Variants in KDM5A observed in about 807,000 individuals in gnomAD.
The protein encoded by KDM5A is lysine demethylase 5A, also known as lysine-specific demethylase 5A.
Under a neutral mutation model 193.5 loss-of-function variants are expected in KDM5A, and 42 were observed. The ratio of observed to expected loss-of-function variants is 0.22; its 90% CI spans 0.17 to 0.28. The LOEUF (loss-of-function observed/expected upper bound fraction) is 0.28, where lower values mean the gene tolerates loss of function less well. KDM5A is among the 10% of genes least tolerant of loss of function. KDM5A has a pLI of 1.00. For synonymous variants in KDM5A, 796 were observed against 718.1 expected (o/e 1.11, Z -1.73); for missense variants, 1,692 against 2,055.1 (o/e 0.82, Z 3.42).
At position 389,016 on chromosome 12, in the gene KDM5A, A is replaced by C. The variant is rs1417119622; in HGVS notation, c.76T>G (p.Trp26Gly). The C allele has an allele frequency of 6.3e-7, 1 of 1,586,184 alleles. No individual in the cohort carries two copies. Among genetic ancestry groups the C allele is most frequent in the Non-Finnish European group, 8.6e-7 (1 of 1,163,812 alleles). The change falls in exon 1 of 28, where the codon TGG becomes GGG. Residue 26 changes from tryptophan to glycine, a missense_variant. Coordinates refer to ENST00000399788, the MANE Select transcript of KDM5A (RefSeq NM_001042603.3). Reference protein sequence around the residue: ...PPECPVFEPSWEEFTDPLSFI... With the variant: ...PPECPVFEPSGEEFTDPLSFI... ...CTGAGCGGATCTGTGAACTCCTCCC[A>C]ACTCGGCTCAAAGACGGGGCACTCT... is the stretch of plus-strand genomic sequence containing the variant.
intron 6 of KDM5A, among the ~76,000 whole-genome samples, chr12:355,608 C>A (rs1350143865): frequency 3.9e-5 from 6 of 152,004 alleles, no homozygotes; most frequent in African/African-American, 1.4e-4. Context: ...ACAGCCAATA[C>A]TATAATTACA....
At chr12:378,464 C>G (rs1944535767) in intron 3 of KDM5A, among the ~76,000 whole-genome samples, 1 of 152,104 alleles carries the variant, frequency 6.6e-6, no homozygotes, top group South Asian at 2.1e-4. Context: ...CTCCCTATGT[C>G]TAGACCAGGA....
At chr12:365,820 C>T in intron 4 of KDM5A, 114 bp downstream of exon 4, 1 of 867,468 alleles carries the variant, frequency 1.2e-6, no homozygotes, top group Non-Finnish European at 2.0e-6. Context: ...CTATGATATA[C>T]ACTTTGCTTC....
intron 1 of KDM5A, among the ~76,000 whole-genome samples, chr12:387,916 A>G (rs545396630): frequency 6.1e-4 from 93 of 152,348 alleles, no homozygotes; most frequent in African/African-American, 2.1e-3. Flanking sequence ...ATATTTTATC[A>G]TTACTAATAC....
chr12:350,942 CA>C (rs1258866509), intron 9 of KDM5A, among the ~76,000 whole-genome samples, 163 bp from the exon 10 acceptor site: 1 of 152,088 alleles, frequency 6.6e-6, no homozygotes, highest in Non-Finnish European at 1.5e-5. Flanking sequence ...CCAATGAGAA[CA>C]GGGAAAAGCT....
chr12:388,955 G>C lies in KDM5A; in HGVS notation c.137C>G (p.Thr46Ser), dbSNP rs1473391119. Reference protein sequence around the residue: ...IGRIRPLAEKTGICKIRPPKD... With the variant: ...IGRIRPLAEKSGICKIRPPKD... ...GGGCGGCCGAATTTTGCAGATGCCG[G>C]TTTTCTCCGCCAAAGGCCGGATGCG... Residue 46 changes from threonine to serine, a missense_variant, in exon 1 of 28, where the codon ACC becomes AGC. This residue lies in a region of KDM5A where 84 missense variants were observed against 68.2 expected (regional missense o/e 1.23). Coordinates refer to ENST00000399788, the MANE Select transcript of KDM5A (RefSeq NM_001042603.3). The C allele has an allele frequency of 9.3e-6, 15 of 1,614,100 alleles. No individual in the cohort carries two copies. Among genetic ancestry groups the C allele is most frequent in the Non-Finnish European group, 1.1e-5 (13 of 1,180,052 alleles).
chr12:323,513 G>A (rs1003247940), intron 15 of KDM5A, 87 bp downstream of exon 15: 6 of 1,300,986 alleles, frequency 4.6e-6, no homozygotes, highest in Non-Finnish European at 5.6e-6. Flanking sequence ...CAGAGTAAAG[G>A]AGTAAAGTAA....
At chr12:355,054 C>T in intron 7 of KDM5A, 104 bp downstream of exon 7, 2 of 776,572 alleles carry the variant, frequency 2.6e-6, no homozygotes, top group Non-Finnish European at 4.7e-6. Context: ...AGTCTTCTAA[C>T]CAAACGAGCT....
chr12:289,657 G>C (rs1486749244), intron 27 of KDM5A, among the ~76,000 whole-genome samples: 2 of 147,106 alleles, frequency 1.4e-5, no homozygotes, highest in Non-Finnish European at 3.0e-5. Context: ...CAAGGCTGCA[G>C]TGAGCTATGA....
At chr12:313,029 G>T (rs1412730497) in intron 20 of KDM5A, 27 bp downstream of exon 20, 1 of 1,611,414 alleles carries the variant, frequency 6.2e-7, no homozygotes, top group Non-Finnish European at 8.5e-7. Flanking sequence ...TTACCTGATA[G>T]GTGGGATAAT....
intron 19 of KDM5A, among the ~76,000 whole-genome samples, chr12:314,157 G>A (rs1943622348): frequency 6.6e-6 from 1 of 152,066 alleles, no homozygotes; most frequent in East Asian, 1.9e-4. Flanking sequence ...TCTAGGTCCT[G>A]GAAATTGCTC....
chr12:381,953 T>TCCAC lies in KDM5A; in HGVS notation c.366+2074_366+2077dup, dbSNP rs539656223. Among the ~76,000 whole-genome samples, 89 of 152,046 alleles carry TCCAC rather than the reference T, an allele frequency of 5.9e-4. 1 individual carries two copies. The South Asian group carries it at 0.013, about 22-fold the overall frequency. ...TCTTGATTAGCTGGGACTCCAGGAGTCCACCACCATGCCAGGATTATTTAT... is the reference window on the plus strand; with the variant it reads ...TCTTGATTAGCTGGGACTCCAGGAGTCCACCCACCACCATGCCAGGATTATTTAT... On this transcript the variant is annotated intron_variant, in intron 3 of 27. Transcript: ENST00000399788.
At chr12:327,162 T>C (rs539940907) in intron 14 of KDM5A, among the ~76,000 whole-genome samples, 32 of 152,232 alleles carry the variant, frequency 2.1e-4, no homozygotes, top group African/African-American at 3.9e-4. Context: ...GAAGGGTCTA[T>C]AGAGAAATTT....
intron 1 of KDM5A, 112 bp downstream of exon 1, chr12:388,815 T>C (rs907204434): frequency 7.7e-5 from 102 of 1,328,390 alleles, no homozygotes; most frequent in Non-Finnish European, 1.0e-4. Flanking sequence ...TCCAGTTGTC[T>C]CAAAAGAGAG....
chr12:386,615 G>A (rs1484718887), intron 1 of KDM5A, among the ~76,000 whole-genome samples: 1 of 152,222 alleles, frequency 6.6e-6, no homozygotes, highest in Non-Finnish European at 1.5e-5. Context: ...GGGAGACTGA[G>A]GCAGGAGGAT....
In KDM5A at chr12:362,999, G is replaced by A; in HGVS notation, c.636C>T (p.Asn212=). Reference sequence around the variant, plus strand: ...CACGTCTTGTTCTCTTCGGCAGAATGTTCATCCTTGTGCCTGGCTCTGGGG... The same window carrying A: ...CACGTCTTGTTCTCTTCGGCAGAATATTCATCCTTGTGCCTGGCTCTGGGG... The part of the protein sequence containing the change: ...QTSPEPGTRM[N]ILPKRTRRVK... The change falls in exon 5 of 28, where the codon AAC becomes AAT. Residue 212 remains asparagine (N), a synonymous_variant. Transcript: ENST00000399788. The A allele has an allele frequency of 6.2e-7, 1 of 1,614,190 alleles. No individual in the cohort carries two copies. The highest frequency in any genetic ancestry group is 8.5e-7 in the Non-Finnish European group (1 of 1,180,028).
chr12:280,672 G>A lies in KDM5A; in HGVS notation c.*4784C>T, dbSNP rs899607933. On this transcript the variant is annotated 3_prime_UTR_variant, in exon 28 of 28. Transcript: ENST00000399788. Reference sequence around the variant, plus strand: ...GGTCTGAATTGGTTGTGAGCTTTAAGAAGCCAAAGAGAAAGGGAAAGCATT... The same window carrying A: ...GGTCTGAATTGGTTGTGAGCTTTAAAAAGCCAAAGAGAAAGGGAAAGCATT... The A allele has an allele frequency of 4.3e-6, 1 of 233,004 alleles. No homozygotes were observed. Among genetic ancestry groups the A allele is most frequent in the African/African-American group, 2.2e-5 (1 of 45,328 alleles). 14.4% of individuals were successfully genotyped at this position (233,004 alleles called of 1,614,324 possible).
intron 10 of KDM5A, among the ~76,000 whole-genome samples, chr12:342,715 G>A (rs1437397460): frequency 6.6e-6 from 1 of 151,032 alleles, no homozygotes; most frequent in Non-Finnish European, 1.5e-5. Flanking sequence ...ACCTGCCTCG[G>A]CCTCCCAAAG....
At chr12:304,519 G>A (rs1943482299) in intron 24 of KDM5A, among the ~76,000 whole-genome samples, 1 of 149,540 alleles carries the variant, frequency 6.7e-6, no homozygotes, top group Admixed American at 6.7e-5. Flanking sequence ...TAGCTCAGTG[G>A]TAGAGCATCT....
Sources: gnomAD v4.1 joint callset for allele counts (sites outside exome capture counted in the v4.1 genomes callset) on GRCh38, gnomAD v4.1.1 for gene constraint, gnomAD v4.1.1 regional missense constraint, MANE v1.5 for transcripts, NCBI Gene and HGNC (gene_info 2026-07-23, HGNC 2026-07-21) for gene names.